The following KANSL1 variants were observed in gnomAD, a reference collection of about 807,000 sequenced individuals.
The protein encoded by KANSL1 is KAT8 regulatory NSL complex subunit 1, also known as MLL1/MLL complex subunit KANSL1.
KANSL1 carries 22 observed loss-of-function variants against 103.6 expected under a neutral mutation model. The ratio of observed to expected loss-of-function variants is 0.21; its 90% confidence interval spans 0.15 to 0.30. The LOEUF (loss-of-function observed/expected upper bound fraction) is 0.30, where lower values mean the gene tolerates loss of function less well. KANSL1 is among the 10% of genes least tolerant of loss of function. The pLI, the probability that KANSL1 is intolerant of heterozygous loss-of-function variation, is 1.00. For synonymous variants in KANSL1, 600 were observed against 527.6 expected (o/e 1.14, Z -1.88); for missense variants, 1,337 against 1,399.8 (o/e 0.96, Z 0.72).
chr17:46,160,158 A>C (rs1272800142), intron 2 of KANSL1, among the ~76,000 whole-genome samples: 5 of 152,246 alleles, frequency 3.3e-5, no homozygotes, highest in Non-Finnish European at 7.3e-5. Context: ...GAAGATTTAA[A>C]GACAACAAAC....
At chr17:46,061,974 C>T (rs925837313) in intron 6 of KANSL1, among the ~76,000 whole-genome samples, 16 of 151,654 alleles carry the variant, frequency 1.1e-4, no homozygotes, top group Non-Finnish European at 1.8e-4. Flanking sequence ...TGCCTGTGAT[C>T]CCAGCTACTC....
chr17:46,132,349 C>T lies in KANSL1; in HGVS notation c.1290-37648G>A, dbSNP rs546254410. ...TGTATATAATGCGCTTTGCACAATG[C>T]CTGGCACATAGTCTCAAATACTGCC... On this transcript the variant is annotated intron_variant, in intron 2 of 14. Coordinates refer to ENST00000432791, the MANE Select transcript of KANSL1 (RefSeq NM_015443.4). 4.5e-4 allele frequency among the ~76,000 whole-genome samples: 69 copies of T among 152,306 alleles called. 2 individuals carry two copies. The highest frequency in any genetic ancestry group is 1.3e-3 in the Admixed American group (20 of 15,290).
Position 46,050,802 on chromosome 17 carries a change from A to C in KANSL1, c.1849-98T>G, listed in dbSNP as rs535217804. The C allele has an allele frequency of 3.5e-4, 371 of 1,050,930 alleles. 1 individual carries two copies. Among genetic ancestry groups the C allele is most frequent in the Non-Finnish European group, 4.9e-4 (355 of 723,288 alleles). 65.1% of individuals were successfully genotyped at this position (1,050,930 alleles called of 1,614,324 possible). On this transcript the variant is annotated intron_variant, in intron 6 of 14. Transcript: ENST00000432791. The stretch of plus-strand genomic sequence containing the variant: ...TTTGTTATTGAGAAGTTAGCTCCCC[A>C]TTTGTTATTGCGAAGACCTTTCTAG...
intron 1 of KANSL1, among the ~76,000 whole-genome samples, chr17:46,210,030 G>C (rs1390703190): frequency 3.5e-4 from 53 of 152,278 alleles, no homozygotes; most frequent in Middle Eastern, 3.4e-3. Context: ...ACTCAAGTAG[G>C]CTGCAACTTC....
intron 2 of KANSL1, among the ~76,000 whole-genome samples, chr17:46,126,670 C>G (rs571420312): frequency 6.6e-6 from 1 of 152,228 alleles, no homozygotes; most frequent in South Asian, 2.1e-4. Context: ...AGGCCTAGGT[C>G]TTCCAGAACA....
chr17:46,124,859 G>A (rs1336675912), intron 2 of KANSL1, among the ~76,000 whole-genome samples: 1 of 151,886 alleles, frequency 6.6e-6, no homozygotes, highest in Non-Finnish European at 1.5e-5. Context: ...AACTGAAACA[G>A]ATGCAAAGTT....
chr17:46,225,347 G>A (rs1416692357), upstream of KANSL1: 2 of 152,988 alleles, frequency 1.3e-5, no homozygotes, highest in Non-Finnish European at 2.9e-5. Flanking sequence ...CTACCTGCAC[G>A]GTTCAACCAA....
upstream of KANSL1, among the ~76,000 whole-genome samples, chr17:46,195,272 A>G (rs2047568121): frequency 6.6e-6 from 1 of 152,266 alleles, no homozygotes; most frequent in Non-Finnish European, 1.5e-5. Context: ...CAGACACACC[A>G]TAACAAAATA....
chr17:46,134,352 G>T (rs543879143), intron 2 of KANSL1, among the ~76,000 whole-genome samples: 1 of 152,018 alleles, frequency 6.6e-6, no homozygotes, highest in Non-Finnish European at 1.5e-5. Context: ...AGCTGAGGTC[G>T]CGCCACTGCA....
intron 6 of KANSL1, among the ~76,000 whole-genome samples, chr17:46,062,134 A>AAAAAAAAAAAAC (rs67483415): frequency 1.5e-5 from 2 of 132,750 alleles, no homozygotes; most frequent in Non-Finnish European, 3.3e-5. Flanking sequence ...AAAAAAAAAA[A>AAAAAAAAAAAAC]CATGTTACAG....
At chr17:46,041,559 C>G (rs918663062) in intron 7 of KANSL1, 1 of 152,142 alleles carries the variant, frequency 6.6e-6, no homozygotes, top group Non-Finnish European at 1.5e-5. Context: ...TAGAATGAAA[C>G]ACCACTACTT....
intron 2 of KANSL1, among the ~76,000 whole-genome samples, chr17:46,125,838 A>G (rs2043529338): frequency 6.6e-6 from 1 of 152,250 alleles, no homozygotes; most frequent in South Asian, 2.1e-4. Context: ...AAAAGGACAG[A>G]AAGAGATACT....
At chr17:46,216,671 A>G (rs1260079219) in intron 1 of KANSL1, among the ~76,000 whole-genome samples, 1 of 152,238 alleles carries the variant, frequency 6.6e-6, no homozygotes, top group African/African-American at 2.4e-5. Flanking sequence ...GAAGCTAAAT[A>G]AATAATCTAC....
chr17:46,068,835 C>A (rs2078474678), intron 4 of KANSL1, among the ~76,000 whole-genome samples: 1 of 152,150 alleles, frequency 6.6e-6, no homozygotes, highest in Admixed American at 6.5e-5. Flanking sequence ...CATATAGCAC[C>A]TCTGAGGTAT....
chr17:46,046,962 T>C lies in KANSL1; in HGVS notation c.2020+3571A>G, dbSNP rs993260979. On this transcript the variant is annotated intron_variant, in intron 7 of 14. Coordinates refer to ENST00000432791, the MANE Select transcript of KANSL1 (RefSeq NM_015443.4). The stretch of plus-strand genomic sequence containing the variant: ...AGTTACATGGGCTACATAAATCCAA[T>C]GGCAAGGGAAGGTAAAAGTCAGTGA... Among the ~76,000 whole-genome samples the C allele has an allele frequency of 5.9e-5, 9 of 151,852 alleles. No individual in the cohort carries two copies. In the South Asian group the frequency reaches 1.2e-3, roughly 21 times the overall value.
At chr17:46,105,722 T>A (rs2042506043) in intron 2 of KANSL1, among the ~76,000 whole-genome samples, 1 of 151,986 alleles carries the variant, frequency 6.6e-6, no homozygotes, top group Admixed American at 6.6e-5. Flanking sequence ...AATACAAAAA[T>A]TAGCCGGGAA....
At chr17:46,120,870 AAG>A (rs778534677) in intron 2 of KANSL1, among the ~76,000 whole-genome samples, 26 of 152,208 alleles carry the variant, frequency 1.7e-4, no homozygotes, top group Admixed American at 2.6e-4. Flanking sequence ...GCTAGATTCA[AAG>A]AGAGAATGTT....
At chr17:46,134,978 G>A (rs2044054084) in intron 2 of KANSL1, among the ~76,000 whole-genome samples, 1 of 152,318 alleles carries the variant, frequency 6.6e-6, no homozygotes, top group Non-Finnish European at 1.5e-5. Flanking sequence ...ACCAGTAGGG[G>A]TTGGAGTATG....
chr17:46,180,966 G>A (rs369711891), intron 1 of KANSL1, among the ~76,000 whole-genome samples: 1 of 152,190 alleles, frequency 6.6e-6, no homozygotes. Context: ...GCTTTAGAGA[G>A]ATCAGTTGGG....
Sources: allele counts gnomAD v4.1 joint callset (sites outside exome capture counted in the v4.1 genomes callset), GRCh38; gene constraint gnomAD v4.1.1; transcripts MANE v1.5; gene names NCBI Gene and HGNC (gene_info 2026-07-23, HGNC 2026-07-21).